SDK1: variants seen among roughly 807,000 people sequenced by gnomAD.
SDK1 encodes the protein sidekick cell adhesion molecule 1, also known as protein sidekick-1.
A neutral mutation model predicts 245.5 loss-of-function variants in SDK1; 157 were observed. The ratio of observed to expected loss-of-function variants is 0.64; its 90% confidence interval spans 0.56 to 0.73. The LOEUF is 0.73. Among genes scored for constraint, SDK1 ranks in the 30% least tolerant of loss-of-function variants. The probability of loss-of-function intolerance (pLI) is 0.00; values close to 1 mark genes in which losing one functional copy is unlikely to be tolerated. For missense variants in SDK1, 3,583 were observed against 3,002.3 expected, an observed-to-expected ratio of 1.19 and a Z score of -4.52; for synonymous variants, 1,647 against 1,278.5, an observed-to-expected ratio of 1.29 and a Z score of -6.15.
intron 5 of SDK1, among the ~76,000 whole-genome samples, chr7:3,850,530 T>A (rs1780392335): frequency 6.6e-6 from 1 of 152,168 alleles, no homozygotes; most frequent in Non-Finnish European, 1.5e-5. Context: ...TGATTATAAA[T>A]CATGCTGCTA....
At chr7:3,570,543 A>T (rs1185528435) in intron 1 of SDK1, among the ~76,000 whole-genome samples, 1 of 152,166 alleles carries the variant, frequency 6.6e-6, no homozygotes, top group East Asian at 1.9e-4. Flanking sequence ...ATCTTGCTGG[A>T]TGAGGAGGTT....
chr7:3,605,088 A>G (rs1416278195), intron 1 of SDK1, among the ~76,000 whole-genome samples: 1 of 151,452 alleles, frequency 6.6e-6, no homozygotes, highest in African/African-American at 2.4e-5. Context: ...TTACTAGTCT[A>G]GGATGTTTTC....
chr7:4,003,223 A>C (rs1785205539), intron 14 of SDK1, among the ~76,000 whole-genome samples: 1 of 152,226 alleles, frequency 6.6e-6, no homozygotes, highest in African/African-American at 2.4e-5. Flanking sequence ...TGCAGGTTCC[A>C]CGCAGGGCCT....
At chr7:4,075,178 A>T (rs1486667183) in intron 20 of SDK1, among the ~76,000 whole-genome samples, 7 of 151,856 alleles carry the variant, frequency 4.6e-5, no homozygotes, top group Admixed American at 4.6e-4. Flanking sequence ...AGTGCTCTGG[A>T]GGCACCCAGC....
At chr7:3,948,113 A>G (rs917542522) in intron 5 of SDK1, among the ~76,000 whole-genome samples, 1 of 152,210 alleles carries the variant, frequency 6.6e-6, no homozygotes, top group African/African-American at 2.4e-5. Context: ...GTAATATTCT[A>G]CTGAAATGTT....
rs180976179 is a variant in SDK1 at position 3,712,420 on chromosome 7, T to C, written c.713+70315T>C. On this transcript the variant is annotated intron_variant, in intron 4 of 44. Transcript: ENST00000404826. ...TTCAGAGCTTCCACTGATTCTGCGTTATGGTGAGTTGTATAACGATTTCAT... is the reference window on the plus strand; with the variant it reads ...TTCAGAGCTTCCACTGATTCTGCGTCATGGTGAGTTGTATAACGATTTCAT... Among the ~76,000 whole-genome samples, 64 of 152,332 alleles carry C rather than the reference T, an allele frequency of 4.2e-4. No homozygotes were observed. The East Asian group carries it at 0.012, about 28-fold the overall frequency.
intron 1 of SDK1, among the ~76,000 whole-genome samples, chr7:3,448,935 C>T (rs975839600): frequency 1.1e-4 from 16 of 152,170 alleles, no homozygotes; most frequent in African/African-American, 3.4e-4. Context: ...ATTATTCCTG[C>T]GAACAAATTC....
At chr7:4,146,211 CCTT>C (rs893586290) in intron 29 of SDK1, among the ~76,000 whole-genome samples, 7 of 151,172 alleles carry the variant, frequency 4.6e-5, no homozygotes, top group African/African-American at 9.7e-5. Context: ...TGCATTCACA[CCTT>C]CTGCCTCACA....
intron 5 of SDK1, among the ~76,000 whole-genome samples, chr7:3,941,148 G>C (rs1374637260): frequency 6.6e-6 from 1 of 151,996 alleles, no homozygotes; most frequent in Non-Finnish European, 1.5e-5. Context: ...GAGAAGCAAG[G>C]GGTCTTAGGT....
intron 2 of SDK1, among the ~76,000 whole-genome samples, chr7:3,629,237 C>T (rs1583246099): frequency 6.6e-6 from 1 of 150,514 alleles, no homozygotes. Flanking sequence ...GGAGGCAGAG[C>T]TTGCAGTGAG....
At chr7:4,237,210 GTTTTGTTTGTT>G (rs1258457291) in intron 41 of SDK1, among the ~76,000 whole-genome samples, 2 of 151,928 alleles carry the variant, frequency 1.3e-5, no homozygotes, top group East Asian at 3.9e-4. Flanking sequence ...GTTTTGTTTT[GTTTTGTTTGTT>G]TTTTGTTTTT....
intron 5 of SDK1, among the ~76,000 whole-genome samples, chr7:3,907,519 A>G (rs1267868186): frequency 1.3e-5 from 2 of 152,192 alleles, no homozygotes. Flanking sequence ...TTGCCCGTTC[A>G]TGTACATATA....
At chr7:3,506,699 T>C (rs1489962452) in intron 1 of SDK1, among the ~76,000 whole-genome samples, 2 of 152,166 alleles carry the variant, frequency 1.3e-5, no homozygotes, top group African/African-American at 4.8e-5. Flanking sequence ...TGTATTCAGA[T>C]TCACTGATCT....
chr7:3,637,445 C>G (rs1782495105), intron 2 of SDK1, among the ~76,000 whole-genome samples: 1 of 152,268 alleles, frequency 6.6e-6, no homozygotes, highest in Admixed American at 6.5e-5. Context: ...TTGCTCACAC[C>G]TTACTCTTAA....
At chr7:3,615,154 C>T (rs1478388247) in intron 1 of SDK1, among the ~76,000 whole-genome samples, 2 of 151,532 alleles carry the variant, frequency 1.3e-5, no homozygotes, top group Non-Finnish European at 1.5e-5. Context: ...ATGACTCATT[C>T]GTGTAGGACA....
intron 32 of SDK1, among the ~76,000 whole-genome samples, chr7:4,166,726 T>C: frequency 6.6e-6 from 1 of 152,158 alleles, no homozygotes; most frequent in South Asian, 2.1e-4. Flanking sequence ...CGGATCAGAT[T>C]TGGATTTGGG....
intron 1 of SDK1, among the ~76,000 whole-genome samples, chr7:3,518,713 C>G (rs565797401): frequency 2.0e-5 from 3 of 152,056 alleles, no homozygotes; most frequent in African/African-American, 7.2e-5. Context: ...AAAGGGAACT[C>G]TTACACACTA....
intron 5 of SDK1, among the ~76,000 whole-genome samples, chr7:3,887,829 C>CA (rs988916911): frequency 1.3e-5 from 2 of 152,036 alleles, no homozygotes; most frequent in Non-Finnish European, 2.9e-5. Flanking sequence ...ATATAAATAA[C>CA]AAAAAAATGC....
intron 5 of SDK1, among the ~76,000 whole-genome samples, chr7:3,901,377 G>A (rs1040303748): frequency 1.3e-5 from 2 of 151,900 alleles, no homozygotes; most frequent in African/African-American, 2.4e-5. Flanking sequence ...TAATAGAGAC[G>A]GGGTTTCACC....
Sources: allele counts gnomAD v4.1 joint callset (sites outside exome capture counted in the v4.1 genomes callset), GRCh38; gene constraint gnomAD v4.1.1; transcripts MANE v1.5; gene names NCBI Gene and HGNC (gene_info 2026-07-23, HGNC 2026-07-21).